Variants in ZNF398 observed in about 807,000 individuals in gnomAD.
The protein encoded by ZNF398 is zinc finger DNA binding protein ZER6.
Under a neutral mutation model 41.9 loss-of-function variants are expected in ZNF398, and 18 were observed. The observed-to-expected ratio is 0.43, with a 90% CI of 0.30 to 0.64. The LOEUF is 0.64. Among genes scored for constraint, ZNF398 ranks in the 30% least tolerant of loss-of-function variants. ZNF398 has a pLI of 0.14. For missense variants in ZNF398, 669 were observed against 822.8 expected, an observed-to-expected ratio of 0.81 and a Z score of 2.29; for synonymous variants, 260 against 308.8, an observed-to-expected ratio of 0.84 and a Z score of 1.66.
chr7:149,126,429 G>T lies in ZNF398; in HGVS notation c.-838G>T, dbSNP rs1029259570. On this transcript the variant is annotated 5_prime_UTR_variant, in exon 1 of 7. Coordinates refer to the ZNF398 transcript ENST00000426851. ...CGCCAGAGGGAGTCGGTCCTCAGAG[G>T]AGGGGCCCGGGCACCCTCCGTGCGG... 7 of 854,778 alleles carry T rather than the reference G, an allele frequency of 8.2e-6. No homozygotes were observed. In the South Asian group the frequency reaches 1.4e-4, roughly 17 times the overall value. 52.9% of individuals were successfully genotyped at this position (854,778 alleles called of 1,614,324 possible).
At position 149,178,690 on chromosome 7, in the gene ZNF398, C is replaced by T. The variant is rs765158679; in HGVS notation, c.818C>T (p.Ser273Leu). The T allele has an allele frequency of 3.8e-5, 61 of 1,614,038 alleles. No homozygotes were observed. In the South Asian group the frequency reaches 5.5e-4, roughly 15 times the overall value. The change falls in exon 6 of 6, where the codon TCG (serine) becomes TTG (leucine). Residue 273 changes from serine (S) to leucine (L), a missense_variant. Transcript: ENST00000475153. ...AAAGCTGAAGGCCTTGCTAGATCCT[C>T]GTTGTGCCCTGAGGTTCCAGTCCCT... ...VIKAEGLARS[S>L]LCPEVPVPFS...
chr7:149,172,734 G>C (rs937476419), intron 4 of ZNF398, among the ~76,000 whole-genome samples: 1 of 152,114 alleles, frequency 6.6e-6, no homozygotes, highest in African/African-American at 2.4e-5. Context: ...TAAATACTTA[G>C]TTAATATGGA....
intron 1 of ZNF398, among the ~76,000 whole-genome samples, chr7:149,126,840 G>C (rs1826490218): frequency 1.3e-5 from 2 of 152,152 alleles, no homozygotes; most frequent in African/African-American, 4.8e-5. Context: ...ATGTCCCGTC[G>C]GGGACGCGGA....
intron 2 of ZNF398, among the ~76,000 whole-genome samples, chr7:149,141,485 C>T (rs1238778059): frequency 7.6e-6 from 1 of 131,086 alleles, no homozygotes; most frequent in African/African-American, 2.7e-5. Context: ...GACGGAGTCT[C>T]ACTCTGTAGC....
intron 2 of ZNF398, among the ~76,000 whole-genome samples, chr7:149,164,181 G>A (rs1311279925): frequency 1.3e-5 from 2 of 151,580 alleles, no homozygotes; most frequent in South Asian, 2.1e-4. Flanking sequence ...GCCGAGGCGG[G>A]CAGATCACAA....
In ZNF398 at chr7:149,179,063, C is replaced by T. The variant is rs1212093923; in HGVS notation, c.1191C>T (p.Pro397=). 4 of 1,613,874 alleles carry T rather than the reference C, an allele frequency of 2.5e-6. No homozygotes were observed. The African/African-American group carries it at 4.0e-5, about 16-fold the overall frequency. The part of the protein sequence containing the change: ...STSQDHASET[P]PTCPHCARTF... ...CCCAGGACCATGCCAGCGAGACACCCCCCACCTGCCCACACTGTGCCAGGA... is the reference window on the plus strand; with the variant it reads ...CCCAGGACCATGCCAGCGAGACACCTCCCACCTGCCCACACTGTGCCAGGA... The change falls in exon 6 of 6, where the codon CCC becomes CCT. Residue 397 remains proline (P), a synonymous_variant. Transcript: ENST00000475153. The surrounding 1 kb of genome is among the most constrained non-coding windows in gnomAD (Gnocchi z 6.1).
chr7:149,147,759 C>A lies in ZNF398; in HGVS notation c.17C>A (p.Pro6Gln). MAEAA[P>Q]APTSEWDSEC... ...CGCAGGGCCATGGCTGAGGCGGCCC[C>A]GGCCCCGGTAAGGGCGGCCGCGCGC... Residue 6 changes from proline to glutamine, a missense_variant, in exon 1 of 6, where the codon CCG becomes CAG. Coordinates refer to ENST00000475153, the MANE Select transcript of ZNF398 (RefSeq NM_170686.3). The surrounding 1 kb of genome is among the most constrained non-coding windows in gnomAD (Gnocchi z 5.6). The A allele has an allele frequency of 7.2e-7, 1 of 1,387,366 alleles. No homozygotes were observed. Among genetic ancestry groups the A allele is most frequent in the East Asian group, 3.0e-5 (1 of 33,108 alleles). 85.9% of individuals were successfully genotyped at this position (1,387,366 alleles called of 1,614,324 possible). A position where few individuals can be genotyped will look rare whatever the true frequency, so the allele number is the denominator to read the frequency against.
At chr7:149,136,943 C>T (rs1826726824) in intron 2 of ZNF398, among the ~76,000 whole-genome samples, 1 of 150,158 alleles carries the variant, frequency 6.7e-6, no homozygotes, top group Admixed American at 6.7e-5. Flanking sequence ...CTGGGCTCAC[C>T]ACAACCTTCA....
Position 149,178,705 on chromosome 7 carries a change from T to C in ZNF398, c.833T>C (p.Val278Ala). 1 of 1,614,112 alleles carries C rather than the reference T, an allele frequency of 6.2e-7. No individual in the cohort carries two copies. Among genetic ancestry groups the C allele is most frequent in the Non-Finnish European group, 8.5e-7 (1 of 1,180,006 alleles). ...GCTAGATCCTCGTTGTGCCCTGAGG[T>C]TCCAGTCCCTTTCTCTTCTCCACCA... Reference protein sequence around the residue: ...GLARSSLCPEVPVPFSSPPAA... With the variant: ...GLARSSLCPEAPVPFSSPPAA... The change falls in exon 6 of 6, where the codon GTT becomes GCT. Residue 278 changes from valine to alanine, a missense_variant. Transcript: ENST00000475153.
intron 1 of ZNF398, chr7:149,151,133 A>T (rs572698763): frequency 2.7e-6 from 2 of 741,638 alleles, no homozygotes; most frequent in African/African-American, 1.8e-5. Context: ...GGCACAAGTC[A>T]GTGTTGAGAT....
chr7:149,144,318 CT>C (rs1313618588), upstream of ZNF398, among the ~76,000 whole-genome samples: 8 of 151,458 alleles, frequency 5.3e-5, no homozygotes, highest in Admixed American at 5.3e-4. Context: ...AACTTTACTA[CT>C]TTTTTTTTGG....
At chr7:149,148,311 CGCGT>C (rs1827013832) in intron 1 of ZNF398, 1 of 362,018 alleles carries the variant, frequency 2.8e-6, no homozygotes, top group South Asian at 1.1e-4. Context: ...GGAGTGGCCT[CGCGT>C]GCGTGGCGGT....
At position 149,179,074 on chromosome 7, in the gene ZNF398, C is replaced by T. The variant is rs1795533525; in HGVS notation, c.1202C>T (p.Pro401Leu). 1 of 1,614,102 alleles carries T rather than the reference C, an allele frequency of 6.2e-7. No individual in the cohort carries two copies. Among genetic ancestry groups the T allele is most frequent in the Non-Finnish European group, 8.5e-7 (1 of 1,180,030 alleles). Residue 401 changes from proline (P) to leucine (L), a missense_variant, in exon 6 of 6, where the codon CCA (proline) becomes CTA (leucine). By Grantham distance (98) the Pro-to-Leu change is moderately conservative. This residue lies in a region of ZNF398 where 290 missense variants were observed against 292.9 expected (regional missense o/e 0.99). Coordinates refer to ENST00000475153, the MANE Select transcript of ZNF398 (RefSeq NM_170686.3). The surrounding 1 kb of genome is among the most constrained non-coding windows in gnomAD (Gnocchi z 6.1). ...GCCAGCGAGACACCCCCCACCTGCCCACACTGTGCCAGGACTTTTACTCAC... is the reference window on the plus strand; with the variant it reads ...GCCAGCGAGACACCCCCCACCTGCCTACACTGTGCCAGGACTTTTACTCAC... ...DHASETPPTC[P>L]HCARTFTHPS... is the part of the protein sequence containing the mutation.
At chr7:149,133,379 G>A (rs1040624944) in intron 2 of ZNF398, among the ~76,000 whole-genome samples, 1 of 151,776 alleles carries the variant, frequency 6.6e-6, no homozygotes, top group Non-Finnish European at 1.5e-5. Context: ...CTCCCAAAGT[G>A]CTGGGATTAT....
At chr7:149,137,396 T>C (rs1442705064) in intron 2 of ZNF398, among the ~76,000 whole-genome samples, 1 of 152,128 alleles carries the variant, frequency 6.6e-6, no homozygotes, top group Non-Finnish European at 1.5e-5. Context: ...CATACTTTTC[T>C]TTTAACACAG....
chr7:149,151,354 G>A, intron 1 of ZNF398: 1 of 837,248 alleles, frequency 1.2e-6, no homozygotes. Context: ...AAAAAGCCAG[G>A]AACGGGCAGA....
At chr7:149,128,228 G>A (rs913818435) in intron 1 of ZNF398, among the ~76,000 whole-genome samples, 1 of 152,272 alleles carries the variant, frequency 6.6e-6, no homozygotes, top group South Asian at 2.1e-4. Context: ...TACATGTAAA[G>A]TGTACACTGG....
At position 149,178,675 on chromosome 7, in the gene ZNF398, G is replaced by A; in HGVS notation, c.803G>A (p.Gly268Asp). 1.2e-6 allele frequency: 2 copies of A among 1,614,038 alleles called. No homozygotes were observed. The highest frequency in any genetic ancestry group is 1.7e-6 in the Non-Finnish European group (2 of 1,179,958). Residue 268 changes from glycine (G) to aspartate (D), a missense_variant, in exon 6 of 6, where the codon GGC (glycine) becomes GAC (aspartate). Coordinates refer to ENST00000475153, the MANE Select transcript of ZNF398 (RefSeq NM_170686.3). ...GAAGAGCTTGTCATCAAAGCTGAAG[G>A]CCTTGCTAGATCCTCGTTGTGCCCT... ...ADEELVIKAE[G>D]LARSSLCPEV... is the part of the protein sequence containing the mutation.
At chr7:149,173,637 A>G (rs918355618) in intron 4 of ZNF398, among the ~76,000 whole-genome samples, 1 of 152,144 alleles carries the variant, frequency 6.6e-6, no homozygotes, top group Non-Finnish European at 1.5e-5. Flanking sequence ...AATGAGCACT[A>G]GTATTTTGAA....
Sources: allele counts gnomAD v4.1 joint callset (sites outside exome capture counted in the v4.1 genomes callset), GRCh38; gene constraint gnomAD v4.1.1; regional missense constraint gnomAD v4.1.1; non-coding constraint Gnocchi (gnomAD v3.1); transcripts MANE v1.5; gene names NCBI Gene and HGNC (gene_info 2026-07-23, HGNC 2026-07-21).